Variants in MDGA2 observed in about 807,000 individuals in gnomAD.
MDGA2 encodes the protein MAM domain-containing glycosylphosphatidylinositol anchor protein 2.
MDGA2 carries 40 observed loss-of-function variants against 117.8 expected under a neutral mutation model. That is an observed-to-expected ratio of 0.34 (90% CI 0.26 to 0.44). The LOEUF is 0.44. MDGA2 is among the 20% of genes least tolerant of loss of function. The pLI, the probability that MDGA2 is intolerant of heterozygous loss-of-function variation, is 1.00. For synonymous variants in MDGA2, 452 were observed against 439.0 expected, an observed-to-expected ratio of 1.03 and a Z score of -0.37; for missense variants, 1,123 against 1,250.6, an observed-to-expected ratio of 0.90 and a Z score of 1.54.
At chr14:47,457,531 G>A (rs991130018) in intron 1 of MDGA2, among the ~76,000 whole-genome samples, 2 of 152,160 alleles carry the variant, frequency 1.3e-5, no homozygotes, top group South Asian at 4.1e-4. Context: ...TGTTTAGAGA[G>A]AGAGGAGATA....
rs538329526 is a variant in MDGA2, at chr14:47,012,482, T to A, written c.1819+22529A>T. On this transcript the variant is annotated intron_variant, in intron 8 of 16. Transcript: ENST00000399232. ...ATCACCACTTTAGCTTTAACAAACT[T>A]AATAAGCTTAGTTCCTAGGTTAGGA... Among the ~76,000 whole-genome samples, 154 of 152,224 alleles carry A rather than the reference T, an allele frequency of 1.0e-3. 1 individual carries two copies. The highest frequency in any genetic ancestry group is 3.6e-3 in the African/African-American group (148 of 41,552).
intron 6 of MDGA2, among the ~76,000 whole-genome samples, chr14:47,092,963 G>A (rs1219784435): frequency 6.6e-6 from 1 of 152,092 alleles, no homozygotes; most frequent in South Asian, 2.1e-4. Context: ...TCTAGGTAGA[G>A]AAACTTTCTA....
At chr14:47,132,168 A>C (rs1882236361) in intron 4 of MDGA2, among the ~76,000 whole-genome samples, 1 of 151,944 alleles carries the variant, frequency 6.6e-6, no homozygotes, top group African/African-American at 2.4e-5. Flanking sequence ...AGTTATGCAA[A>C]TTATTATGCA....
intron 1 of MDGA2, among the ~76,000 whole-genome samples, chr14:47,341,231 GT>G (rs1403452701): frequency 1.3e-5 from 2 of 152,152 alleles, no homozygotes; most frequent in African/African-American, 4.8e-5. Context: ...ACATAATAGT[GT>G]TGGCTGGGAA....
chr14:47,490,495 G>T (rs1894146245), intron 1 of MDGA2, among the ~76,000 whole-genome samples: 1 of 152,032 alleles, frequency 6.6e-6, no homozygotes, highest in Non-Finnish European at 1.5e-5. Context: ...ACTAAATGAA[G>T]ATTCATTTTG....
intron 1 of MDGA2, among the ~76,000 whole-genome samples, chr14:47,484,644 C>T (rs966551621): frequency 1.3e-5 from 2 of 152,156 alleles, no homozygotes; most frequent in Non-Finnish European, 2.9e-5. Context: ...TCTGTCCCCA[C>T]CTAAATCTCA....
intron 7 of MDGA2, among the ~76,000 whole-genome samples, chr14:47,049,796 T>A (rs1049533562): frequency 3.9e-5 from 6 of 152,044 alleles, no homozygotes; most frequent in South Asian, 2.1e-4. Flanking sequence ...GTCTAGTCAT[T>A]ATTGCTGACA....
intron 2 of MDGA2, among the ~76,000 whole-genome samples, chr14:47,255,899 T>G (rs1055379055): frequency 2.6e-5 from 4 of 152,060 alleles, no homozygotes; most frequent in Non-Finnish European, 5.9e-5. Flanking sequence ...CATATTTGTA[T>G]AGTCCAGGTG....
At chr14:47,147,515 C>T (rs2139215240) in intron 3 of MDGA2, among the ~76,000 whole-genome samples, 1 of 152,290 alleles carries the variant, frequency 6.6e-6, no homozygotes, top group East Asian at 1.9e-4. Flanking sequence ...ACCACCTCCC[C>T]TATCAACAGG....
chr14:47,131,077 C>T (rs988988472), intron 5 of MDGA2, among the ~76,000 whole-genome samples: 50 of 151,688 alleles, frequency 3.3e-4, no homozygotes, highest in Admixed American at 4.6e-4. Flanking sequence ...AAAACCAGTT[C>T]AAATTTTAAT....
chr14:47,242,792 C>T (rs891976090), intron 2 of MDGA2, among the ~76,000 whole-genome samples: 1 of 151,840 alleles, frequency 6.6e-6, no homozygotes. Context: ...TCCAGGGCAC[C>T]GAGTCCCATC....
rs568802800 is a variant in MDGA2, at chr14:46,899,225, A to C, written c.2239-17004T>G. ...TCAGGAGTAGATAAAATTTGTAGGCAAACTGGCAACCTGAGTGTTTTCTCT... is the reference window on the plus strand; with the variant it reads ...TCAGGAGTAGATAAAATTTGTAGGCCAACTGGCAACCTGAGTGTTTTCTCT... On this transcript the variant is annotated intron_variant, in intron 10 of 16. Transcript: ENST00000399232. Among the ~76,000 whole-genome samples, 5 of 152,198 alleles carry C rather than the reference A, an allele frequency of 3.3e-5. No homozygotes were observed. In the South Asian group the frequency reaches 6.2e-4, roughly 19 times the overall value.
intron 1 of MDGA2, among the ~76,000 whole-genome samples, chr14:47,444,711 A>T (rs1322296090): frequency 1.3e-5 from 2 of 152,132 alleles, no homozygotes; most frequent in Non-Finnish European, 2.9e-5. Context: ...AGACCTTTAA[A>T]AAAATGGAAG....
chr14:47,270,270 A>G (rs780779705), intron 2 of MDGA2, among the ~76,000 whole-genome samples: 1 of 152,134 alleles, frequency 6.6e-6, no homozygotes, highest in Non-Finnish European at 1.5e-5. Flanking sequence ...TACTTTCCAG[A>G]GTACCAGAAT....
chr14:46,873,333 A>G, intron 14 of MDGA2, 100 bp downstream of exon 14: 1 of 1,091,842 alleles, frequency 9.2e-7, no homozygotes. Flanking sequence ...GAATTATAGC[A>G]TTCTTTGACC....
At chr14:46,870,486 C>T (rs996346481) in intron 14 of MDGA2, among the ~76,000 whole-genome samples, 2 of 151,912 alleles carry the variant, frequency 1.3e-5, no homozygotes, top group African/African-American at 4.8e-5. Flanking sequence ...GTTTTAACTA[C>T]CAGCAGATCT....
At chr14:46,951,066 C>T (rs538164002) in intron 9 of MDGA2, among the ~76,000 whole-genome samples, 12 of 151,646 alleles carry the variant, frequency 7.9e-5, no homozygotes, top group Non-Finnish European at 1.6e-4. Flanking sequence ...ACTGGTAGTT[C>T]CAATATGTCA....
intron 5 of MDGA2, among the ~76,000 whole-genome samples, chr14:47,122,249 G>C (rs1006210844): frequency 1.3e-5 from 2 of 152,048 alleles, no homozygotes; most frequent in Non-Finnish European, 1.5e-5. Context: ...CTACTGTAGA[G>C]AGAACCAGAA....
At chr14:46,986,129 C>G (rs12435836) in intron 8 of MDGA2, among the ~76,000 whole-genome samples, 1 of 151,680 alleles carries the variant, frequency 6.6e-6, no homozygotes, top group Non-Finnish European at 1.5e-5. Flanking sequence ...TAGTATACTA[C>G]AGTGCTCACA....
Sources: allele counts gnomAD v4.1 joint callset (sites outside exome capture counted in the v4.1 genomes callset), GRCh38; gene constraint gnomAD v4.1.1; transcripts MANE v1.5; gene names NCBI Gene and HGNC (gene_info 2026-07-23, HGNC 2026-07-21).